The following SRRM4 variants were observed in gnomAD, a reference collection of about 807,000 sequenced individuals.
SRRM4 encodes the protein serine/arginine repetitive matrix 4.
In SRRM4, 33 loss-of-function variants were observed where a neutral mutation model predicts 68.9. The observed-to-expected ratio is 0.48, with a 90% CI of 0.36 to 0.64. SRRM4 has a LOEUF of 0.64. Among genes scored for constraint, SRRM4 ranks in the 30% least tolerant of loss-of-function variants. The pLI, the probability that SRRM4 is intolerant of heterozygous loss-of-function variation, is 0.00. For synonymous variants in SRRM4, 318 were observed against 318.8 expected, an observed-to-expected ratio of 1.00 and a Z score of 0.03; for missense variants, 817 against 827.1, an observed-to-expected ratio of 0.99 and a Z score of 0.15.
intron 9 of SRRM4, among the ~76,000 whole-genome samples, chr12:119,149,365 T>C (rs1478044803): frequency 1.3e-5 from 2 of 152,078 alleles, no homozygotes; most frequent in Admixed American, 6.5e-5. Flanking sequence ...TAAATAATGA[T>C]GTCGGCTTCA....
At chr12:119,065,704 A>G (rs1014271644) in intron 1 of SRRM4, among the ~76,000 whole-genome samples, 3 of 152,168 alleles carry the variant, frequency 2.0e-5, no homozygotes, top group Non-Finnish European at 4.4e-5. Flanking sequence ...GTGAGCCGAG[A>G]TTGTGCCACT....
chr12:118,987,671 C>A (rs573077078), intron 1 of SRRM4, among the ~76,000 whole-genome samples: 1 of 152,286 alleles, frequency 6.6e-6, no homozygotes, highest in South Asian at 2.1e-4. Context: ...GCTGTGAGGA[C>A]TGGATGAGCT....
intron 1 of SRRM4, among the ~76,000 whole-genome samples, chr12:119,022,855 T>C (rs1953524828): frequency 6.6e-6 from 1 of 152,198 alleles, no homozygotes; most frequent in South Asian, 2.1e-4. Context: ...GCAACTCAAC[T>C]AGACTTCAGA....
intron 3 of SRRM4, among the ~76,000 whole-genome samples, chr12:119,116,662 T>C (rs1346643756): frequency 1.3e-5 from 2 of 152,094 alleles, no homozygotes; most frequent in African/African-American, 2.4e-5. Context: ...ACCTAAGAAG[T>C]GTGTGAAAGG....
At chr12:119,019,958 C>CG (rs1295772635) in intron 1 of SRRM4, among the ~76,000 whole-genome samples, 14 of 73,862 alleles carry the variant, frequency 1.9e-4, no homozygotes, top group South Asian at 4.4e-4. Context: ...CTCCCCCCCC[C>CG]CCCAAAAAAA....
At chr12:118,998,473 CT>C (rs1160286018) in intron 1 of SRRM4, among the ~76,000 whole-genome samples, 2 of 152,112 alleles carry the variant, frequency 1.3e-5, no homozygotes, top group Non-Finnish European at 2.9e-5. Context: ...ATGTATTTAT[CT>C]TTCCCCCACC....
chr12:119,007,946 G>T (rs1182061067), intron 1 of SRRM4, among the ~76,000 whole-genome samples: 1 of 152,146 alleles, frequency 6.6e-6, no homozygotes, highest in Non-Finnish European at 1.5e-5. Flanking sequence ...CCTCTCTGGA[G>T]CCTCAATTTC....
In SRRM4 at chr12:119,143,047, A is replaced by G. The variant is rs61938056; in HGVS notation, c.772-2334A>G. Among the ~76,000 whole-genome samples the G allele has an allele frequency of 2.3e-4, 35 of 152,356 alleles. No homozygotes were observed. The South Asian group carries it at 6.6e-3, about 29-fold the overall frequency. ...CCAAAGCAAAGCTATCCAGTGTGCC[A>G]TGCAGGTAAAGTGGCAGCTGTGCTG... On this transcript the variant is annotated intron_variant, in intron 8 of 12. Transcript: ENST00000267260.
intron 6 of SRRM4, among the ~76,000 whole-genome samples, chr12:119,123,659 G>T (rs770883878): frequency 1.3e-5 from 2 of 152,078 alleles, no homozygotes; most frequent in African/African-American, 2.4e-5. Flanking sequence ...AAGACAAGAA[G>T]AATAAGGCTA....
intron 2 of SRRM4, among the ~76,000 whole-genome samples, chr12:119,109,637 T>C (rs144892822): frequency 0.029 from 4,210 of 147,234 alleles, 133 homozygotes; most frequent in East Asian, 0.099. Flanking sequence ...GCATGTATCA[T>C]GTAGTTCTCG....
chr12:119,101,351 C>T (rs35837876), intron 1 of SRRM4, among the ~76,000 whole-genome samples: 32,175 of 151,926 alleles, frequency 0.21, 4,105 homozygotes, highest in South Asian at 0.28. Context: ...CCCATAAAGA[C>T]GTGGGACTCA....
intron 1 of SRRM4, among the ~76,000 whole-genome samples, chr12:119,081,274 G>T (rs1953946085): frequency 6.6e-6 from 1 of 152,164 alleles, no homozygotes; most frequent in African/African-American, 2.4e-5. Context: ...ACATTGGGGA[G>T]GGAGTACCAT....
At chr12:119,150,975 G>A in intron 9 of SRRM4, 42 bp from the exon 10 acceptor site, 1 of 1,587,218 alleles carries the variant, frequency 6.3e-7, no homozygotes, top group Non-Finnish European at 8.6e-7. Context: ...TGCTCCCAGA[G>A]TAGTGGGCAG....
At chr12:119,109,502 A>G (rs1954129180) in intron 2 of SRRM4, among the ~76,000 whole-genome samples, 1 of 152,152 alleles carries the variant, frequency 6.6e-6, no homozygotes, top group Admixed American at 6.5e-5. Context: ...TATTTCTTGG[A>G]GGCTTTGTTC....
At chr12:119,002,856 A>G (rs1050290908) in intron 1 of SRRM4, among the ~76,000 whole-genome samples, 1 of 152,136 alleles carries the variant, frequency 6.6e-6, no homozygotes, top group Non-Finnish European at 1.5e-5. Context: ...GACAGGAGGG[A>G]TCACAGTAAC....
chr12:119,114,345 A>C lies in SRRM4; in HGVS notation c.346A>C (p.Thr116Pro). 6.2e-7 allele frequency: 1 copy of C among 1,608,552 alleles called. No individual in the cohort carries two copies. Among genetic ancestry groups the C allele is most frequent in the Non-Finnish European group, 8.5e-7 (1 of 1,177,470 alleles). Residue 116 changes from threonine (T) to proline (P), a missense_variant, in exon 3 of 13, where the codon ACT becomes CCT. Transcript: ENST00000267260. ...GGGAAAGAAGAAAAAGAAGAAATCC[A>C]CTCGGAAGAAGAGAAGGAGGTAAGA... ...SRGKKKKKKS[T>P]RKKRRRSSSY...
chr12:119,046,294 G>A (rs1953706991), intron 1 of SRRM4, among the ~76,000 whole-genome samples: 1 of 152,058 alleles, frequency 6.6e-6, no homozygotes, highest in African/African-American at 2.4e-5. Flanking sequence ...CCTCAGCCAA[G>A]AAAAAGAGAT....
chr12:119,028,176 A>G (rs1020464021), intron 1 of SRRM4, among the ~76,000 whole-genome samples: 1 of 152,194 alleles, frequency 6.6e-6, no homozygotes, highest in African/African-American at 2.4e-5. Context: ...TGTTCTAGGG[A>G]ATCACATTTT....
At chr12:119,049,922 G>T (rs374628373) in intron 1 of SRRM4, among the ~76,000 whole-genome samples, 2 of 152,188 alleles carry the variant, frequency 1.3e-5, no homozygotes, top group African/African-American at 4.8e-5. Context: ...ATTTTCAAAC[G>T]CAATCACATT....
Sources: allele counts gnomAD v4.1 joint callset (sites outside exome capture counted in the v4.1 genomes callset), GRCh38; gene constraint gnomAD v4.1.1; transcripts MANE v1.5; gene names NCBI Gene and HGNC (gene_info 2026-07-23, HGNC 2026-07-21).